TTC39C: variants seen among roughly 807,000 people sequenced by gnomAD.
The protein encoded by TTC39C is tetratricopeptide repeat protein 39C.
In TTC39C, 33 loss-of-function variants were observed where a neutral mutation model predicts 76.3. That is an observed-to-expected ratio of 0.43 (90% CI 0.33 to 0.58). The LOEUF is 0.58. Among genes scored for constraint, TTC39C ranks in the 20% least tolerant of loss-of-function variants. The pLI is 0.04. For synonymous variants in TTC39C, 254 were observed against 260.6 expected (o/e 0.97, Z 0.24); for missense variants, 595 against 701.4 (o/e 0.85, Z 1.71).
chr18:24,075,553 G>T (rs750712274), intron 4 of TTC39C, among the ~76,000 whole-genome samples: 1 of 151,838 alleles, frequency 6.6e-6, no homozygotes, highest in Non-Finnish European at 1.5e-5. Context: ...GCTTGGTGGC[G>T]TGTGCCTGTA....
intron 11 of TTC39C, 55 bp from the exon 12 acceptor site, chr18:24,130,258 G>C: frequency 1.2e-6 from 1 of 864,884 alleles, no homozygotes; most frequent in South Asian, 1.6e-5. Flanking sequence ...ATTATAATAA[G>C]CCTTATGCTA....
intron 1 of TTC39C, among the ~76,000 whole-genome samples, chr18:24,021,561 T>TTC (rs1568407533): frequency 1.4e-5 from 2 of 144,256 alleles, no homozygotes; most frequent in African/African-American, 5.2e-5. Context: ...TTTTTTTTTT[T>TTC]CCGAGACAGA....
chr18:24,004,755 T>C (rs1490498739), intron 1 of TTC39C, among the ~76,000 whole-genome samples: 2 of 152,228 alleles, frequency 1.3e-5, no homozygotes, highest in African/African-American at 4.8e-5. Flanking sequence ...CACTGTGCTT[T>C]CACTCATTTT....
intron 1 of TTC39C, among the ~76,000 whole-genome samples, chr18:24,035,046 A>ATTT (rs71266988): frequency 6.7e-6 from 1 of 150,034 alleles, no homozygotes; most frequent in African/African-American, 2.4e-5. Context: ...TTATTTCTTT[A>ATTT]TTTTTTTTTT....
At chr18:24,111,195 T>C (rs910054804) in intron 6 of TTC39C, among the ~76,000 whole-genome samples, 1 of 152,034 alleles carries the variant, frequency 6.6e-6, no homozygotes, top group African/African-American at 2.4e-5. Context: ...TTTCACCGTG[T>C]TAGCCAGGCT....
chr18:24,081,298 T>C (rs1327319737), intron 5 of TTC39C, among the ~76,000 whole-genome samples: 1 of 152,228 alleles, frequency 6.6e-6, no homozygotes, highest in Non-Finnish European at 1.5e-5. Flanking sequence ...GTTTCTGAAA[T>C]TTTTATTCTT....
intron 1 of TTC39C, chr18:23,994,591 T>TA (rs1288943762): frequency 1.3e-5 from 2 of 152,234 alleles, no homozygotes; most frequent in African/African-American, 2.4e-5. Context: ...GAATGGTACT[T>TA]ACGTTCCTTA....
intron 2 of TTC39C, among the ~76,000 whole-genome samples, 200 bp from the exon 3 acceptor site, chr18:24,065,812 A>T (rs1359730549): frequency 6.6e-6 from 1 of 152,240 alleles, no homozygotes; most frequent in Non-Finnish European, 1.5e-5. Flanking sequence ...TTCTTTCATG[A>T]TGATGTGATA....
At position 24,113,797 on chromosome 18, in the gene TTC39C, C is replaced by T. The variant is rs1599338653; in HGVS notation, c.985-757C>T. ...AGACCCTGAGTGACATCTTCAGCGG[C>T]GGGAAAACGAAATGTATTTCACTGG... On this transcript the variant is annotated intron_variant, in intron 6 of 13. Coordinates refer to ENST00000317571, the MANE Select transcript of TTC39C (RefSeq NM_001135993.2). The T allele has an allele frequency of 1.4e-5, 9 of 660,568 alleles. 1 individual carries two copies. The highest frequency in any genetic ancestry group is 2.4e-4 in the Middle Eastern group (1 of 4,096). 40.9% of individuals were successfully genotyped at this position (660,568 alleles called of 1,614,324 possible). A position where few individuals can be genotyped will look rare whatever the true frequency, so the allele number is the denominator to read the frequency against.
At chr18:24,128,102 T>C (rs1001201915) in intron 10 of TTC39C, among the ~76,000 whole-genome samples, 19 of 152,216 alleles carry the variant, frequency 1.2e-4, no homozygotes, top group African/African-American at 4.6e-4. Flanking sequence ...AGGAATTTTT[T>C]GTTTGTTTTG....
intron 4 of TTC39C, among the ~76,000 whole-genome samples, chr18:24,076,329 T>G (rs2084307404): frequency 6.6e-6 from 1 of 152,152 alleles, no homozygotes; most frequent in African/African-American, 2.4e-5. Flanking sequence ...GACACAGCGA[T>G]AACGACAGCT....
intron 1 of TTC39C, chr18:24,016,684 GA>G (rs1396487112): frequency 5.0e-6 from 2 of 398,412 alleles, no homozygotes; most frequent in African/African-American, 4.1e-5. Context: ...TGAGTGGTTG[GA>G]AAACTCTCTC....
chr18:24,063,648 G>C (rs773418778), intron 1 of TTC39C, among the ~76,000 whole-genome samples: 1 of 151,680 alleles, frequency 6.6e-6, no homozygotes, highest in Non-Finnish European at 1.5e-5. Flanking sequence ...CCAGTAGCTG[G>C]GATTACAGAC....
At chr18:23,996,238 C>T (rs890947666) in intron 1 of TTC39C, among the ~76,000 whole-genome samples, 1 of 152,188 alleles carries the variant, frequency 6.6e-6, no homozygotes, top group Non-Finnish European at 1.5e-5. Flanking sequence ...ATATCTTTTG[C>T]CCATTTTCTA....
At chr18:24,108,519 T>C (rs2145800251) in intron 6 of TTC39C, among the ~76,000 whole-genome samples, 2 of 152,360 alleles carry the variant, frequency 1.3e-5, no homozygotes, top group Middle Eastern at 3.4e-3. Flanking sequence ...CATTTTTCAA[T>C]AGAACAATAA....
chr18:24,057,413 C>G (rs549791875), intron 1 of TTC39C, among the ~76,000 whole-genome samples: 1 of 152,280 alleles, frequency 6.6e-6, no homozygotes, highest in East Asian at 1.9e-4. Context: ...TAACTACTAT[C>G]CAGGTAAAGT....
At chr18:24,021,987 A>G (rs1247053357) in intron 1 of TTC39C, among the ~76,000 whole-genome samples, 1 of 152,210 alleles carries the variant, frequency 6.6e-6, no homozygotes, top group Non-Finnish European at 1.5e-5. Context: ...AAACAGAGTC[A>G]CTTTAACACT....
chr18:24,008,268 T>C (rs1481025828), intron 1 of TTC39C, among the ~76,000 whole-genome samples: 3 of 152,144 alleles, frequency 2.0e-5, no homozygotes, highest in African/African-American at 7.2e-5. Context: ...TGGAAACAAA[T>C]CCACTCTGAG....
At chr18:24,041,141 C>T (rs779656192) in intron 1 of TTC39C, among the ~76,000 whole-genome samples, 1 of 152,272 alleles carries the variant, frequency 6.6e-6, no homozygotes, top group South Asian at 2.1e-4. Context: ...TTTCATAATT[C>T]ATGCCTGCAT....
Sources: gnomAD v4.1 joint callset for allele counts (sites outside exome capture counted in the v4.1 genomes callset) on GRCh38, gnomAD v4.1.1 for gene constraint, MANE v1.5 for transcripts, NCBI Gene and HGNC (gene_info 2026-07-23, HGNC 2026-07-21) for gene names.